The following CCDC7 variants were observed in gnomAD, a reference collection of about 807,000 sequenced individuals.
CCDC7 encodes the protein coiled-coil domain containing 7.
Under a neutral mutation model 196.9 loss-of-function variants are expected in CCDC7, and 183 were observed. The observed-to-expected ratio is 0.93, with a 90% CI of 0.82 to 1.05. CCDC7 has a LOEUF of 1.05. CCDC7 is among the 50% of genes least tolerant of loss of function. The pLI, the probability that CCDC7 is intolerant of heterozygous loss-of-function variation, is 0.00. For synonymous variants in CCDC7, 525 were observed against 484.6 expected, an observed-to-expected ratio of 1.08 and a Z score of -1.10; for missense variants, 1,540 against 1,482.2, an observed-to-expected ratio of 1.04 and a Z score of -0.64.
At chr10:32,444,850 G>GTTT (rs59116319), upstream of CCDC7, among the ~76,000 whole-genome samples, 14 of 140,274 alleles carry the variant, frequency 1.0e-4, no homozygotes, top group Non-Finnish European at 1.4e-4. Flanking sequence ...ATGCCTTCAT[G>GTTT]TTTTTTTTTT....
chr10:32,513,720 T>G (rs983265906), intron 9 of CCDC7: 7 of 152,194 alleles, frequency 4.6e-5, no homozygotes, highest in Non-Finnish European at 1.0e-4. Context: ...TTACATAATG[T>G]GTAATATTGA....
chr10:32,840,278 G>A (rs2092893789), intron 33 of CCDC7, among the ~76,000 whole-genome samples: 1 of 151,956 alleles, frequency 6.6e-6, no homozygotes, highest in Admixed American at 6.6e-5. Flanking sequence ...GGAAAGAAGA[G>A]AGAAGATCCA....
chr10:32,880,652 C>T (rs536852780), downstream of CCDC7, among the ~76,000 whole-genome samples: 1 of 152,300 alleles, frequency 6.6e-6, no homozygotes, highest in African/African-American at 2.4e-5. Context: ...CCTAGATTTT[C>T]TTCTAGGATT....
intron 28 of CCDC7, among the ~76,000 whole-genome samples, chr10:32,770,363 G>A (rs1052092460): frequency 5.9e-5 from 9 of 151,880 alleles, no homozygotes; most frequent in African/African-American, 1.9e-4. Context: ...TCTTAATTTC[G>A]TTATTGACCC....
intron 39 of CCDC7, 55 bp downstream of exon 40, chr10:32,848,773 T>G (rs2093416825): frequency 7.7e-7 from 1 of 1,298,112 alleles, no homozygotes; most frequent in Non-Finnish European, 1.1e-6. Flanking sequence ...TAGAATAGTT[T>G]TAAAGTATGC....
intron 41 of CCDC7, among the ~76,000 whole-genome samples, chr10:32,859,114 C>G (rs1176201817): frequency 6.6e-6 from 1 of 152,156 alleles, no homozygotes; most frequent in African/African-American, 2.4e-5. Context: ...ACAAAACATA[C>G]ACTTTTCTCA....
At chr10:32,824,158 G>T (rs2090740489) in intron 31 of CCDC7, among the ~76,000 whole-genome samples, 1 of 151,968 alleles carries the variant, frequency 6.6e-6, no homozygotes. Context: ...ATACTTGAAA[G>T]TTATGTTATT....
At chr10:32,615,045 C>T (rs1407754335) in intron 18 of CCDC7, among the ~76,000 whole-genome samples, 3 of 152,106 alleles carry the variant, frequency 2.0e-5, no homozygotes, top group African/African-American at 7.2e-5. Context: ...ACCACTACCT[C>T]CACATACACT....
chr10:32,879,142 C>T (rs111747745), downstream of CCDC7, among the ~76,000 whole-genome samples: 221 of 152,082 alleles, frequency 1.5e-3, no homozygotes, highest in African/African-American at 5.1e-3. Flanking sequence ...TGGTTTGCTG[C>T]ACCCATCAAC....
At chr10:32,726,740 A>G in exon 26 of CCDC7, 1 of 1,574,354 alleles carries the variant, frequency 6.4e-7, no homozygotes, top group South Asian at 1.1e-5. Context: ...GTAGTACCAG[A>G]TAAAAATTCT....
At chr10:32,452,057 G>A in intron 1 of CCDC7, 136 bp downstream of exon 2, 2 of 1,242,586 alleles carry the variant, frequency 1.6e-6, no homozygotes, top group Non-Finnish European at 2.1e-6. Context: ...CACATGAGGT[G>A]AAATTAGGAG....
At chr10:32,488,554 A>T (rs1393154202) in intron 8 of CCDC7, among the ~76,000 whole-genome samples, 1 of 152,058 alleles carries the variant, frequency 6.6e-6, no homozygotes, top group Admixed American at 6.6e-5. Flanking sequence ...GAAATGCAGA[A>T]ATCACCCGTC....
intron 28 of CCDC7, among the ~76,000 whole-genome samples, chr10:32,760,766 AAG>A (rs1350174327): frequency 1.5e-4 from 22 of 149,702 alleles, no homozygotes; most frequent in African/African-American, 5.4e-4. Context: ...TTAAAAAAAA[AAG>A]ATATTACAAA....
At chr10:32,652,595 G>A (rs749416937) in intron 20 of CCDC7, among the ~76,000 whole-genome samples, 6 of 151,874 alleles carry the variant, frequency 4.0e-5, no homozygotes, top group Non-Finnish European at 5.9e-5. Context: ...TGTGGTTACC[G>A]TGAGGCTTAC....
intron 22 of CCDC7, among the ~76,000 whole-genome samples, chr10:32,686,525 A>G (rs2076485231): frequency 1.3e-5 from 2 of 152,198 alleles, no homozygotes; most frequent in African/African-American, 4.8e-5. Flanking sequence ...GGCCTGTTGG[A>G]TGGACTCGAG....
intron 18 of CCDC7, among the ~76,000 whole-genome samples, chr10:32,624,781 A>G (rs1033769343): frequency 3.3e-5 from 5 of 151,938 alleles, no homozygotes; most frequent in African/African-American, 1.2e-4. Flanking sequence ...TCATATACTT[A>G]CTGGCCATTT....
intron 18 of CCDC7, among the ~76,000 whole-genome samples, chr10:32,610,529 G>A (rs573118029): frequency 2.0e-4 from 30 of 152,130 alleles, no homozygotes; most frequent in Admixed American, 5.9e-4. Flanking sequence ...CCATCAACGC[G>A]TCATCTACAT....
At chr10:32,779,905 A>G (rs183298269) in intron 29 of CCDC7, among the ~76,000 whole-genome samples, 109 of 152,246 alleles carry the variant, frequency 7.2e-4, no homozygotes, top group African/African-American at 2.5e-3. Context: ...AGAATATGAA[A>G]AACTCCTGGC....
At position 32,463,038 on chromosome 10, in the gene CCDC7, C is replaced by T. The variant is rs2036059294; in HGVS notation, c.499C>T (p.Gln167Ter). 1 of 1,613,352 alleles carries T rather than the reference C, an allele frequency of 6.2e-7. No homozygotes were observed. Among genetic ancestry groups the T allele is most frequent in the African/African-American group, 1.3e-5 (1 of 74,878 alleles). Residue 167 changes from glutamine (Q) to a stop codon, truncating the protein, a stop_gained, in exon 5 of 42, where the codon CAG becomes TAG. Coordinates refer to ENST00000639629, the Ensembl canonical transcript of CCDC7. LOFTEE classifies it high-confidence loss of function. ...AAAGTGGTTTCAGTGGCAGGTCAAT[C>T]AGATGGAAGAAGTAAGTCTAACGTT...
Sources: allele counts gnomAD v4.1 joint callset (sites outside exome capture counted in the v4.1 genomes callset), GRCh38; gene constraint gnomAD v4.1.1; transcripts MANE v1.5; gene names NCBI Gene and HGNC (gene_info 2026-07-23, HGNC 2026-07-21).